CSMD1: variants seen among roughly 807,000 people sequenced by gnomAD.
CSMD1 encodes CUB and sushi domain-containing protein 1.
A neutral mutation model predicts 417.5 loss-of-function variants in CSMD1; 213 were observed. The ratio of observed to expected loss-of-function variants is 0.51; its 90% CI spans 0.46 to 0.57. The LOEUF is 0.57. Ranked by LOEUF, CSMD1 falls within the 20% of genes least tolerant of loss-of-function variation. CSMD1 has a pLI of 0.00. For missense variants in CSMD1, 6,923 were observed against 4,529.7 expected, an observed-to-expected ratio of 1.53 and a Z score of -15.17; for synonymous variants, 2,862 against 1,736.8, an observed-to-expected ratio of 1.65 and a Z score of -16.11.
At chr8:3,274,531 T>G (rs938084728) in intron 26 of CSMD1, among the ~76,000 whole-genome samples, 2 of 152,172 alleles carry the variant, frequency 1.3e-5, no homozygotes, top group African/African-American at 4.8e-5. Context: ...AGTGGGGTGT[T>G]AAAGTCTCCC....
At chr8:3,053,438 T>C (rs1357130367) in intron 49 of CSMD1, among the ~76,000 whole-genome samples, 1 of 152,116 alleles carries the variant, frequency 6.6e-6, no homozygotes, top group Non-Finnish European at 1.5e-5. Flanking sequence ...CCCTTTTTAT[T>C]GTTCCTCTCC....
At chr8:3,913,930 T>A (rs1203839717) in intron 5 of CSMD1, among the ~76,000 whole-genome samples, 1 of 151,830 alleles carries the variant, frequency 6.6e-6, no homozygotes, top group East Asian at 1.9e-4. Flanking sequence ...TGGACTCAAA[T>A]AAATTAACGA....
chr8:3,372,608 T>C (rs1810034886), intron 18 of CSMD1, among the ~76,000 whole-genome samples: 1 of 151,958 alleles, frequency 6.6e-6, no homozygotes, highest in South Asian at 2.1e-4. Flanking sequence ...AAGGAGGAGC[T>C]GGGGGTGATT....
rs1323454242 is a variant in CSMD1 at position 3,795,448 on chromosome 8, CATAG to C, written c.819-41410_819-41407del. On this transcript the variant is annotated intron_variant, in intron 5 of 69. Coordinates refer to ENST00000635120, the MANE Select transcript of CSMD1 (RefSeq NM_033225.6). ...ATCATAGATATAGATATATATCTAT[CATAG>C]ATATAGATATATATCTATCATAGAT... Among the ~76,000 whole-genome samples the C allele has an allele frequency of 1.8e-4, 4 of 22,046 alleles. 1 individual carries two copies. The highest frequency in any genetic ancestry group is 6.9e-4 in the African/African-American group (4 of 5,834). The allele number at this position is 22,046 out of a possible 152,430, so 14.5% of individuals were successfully genotyped here.
Position 3,188,811 on chromosome 8 carries a change from G to C in CSMD1, c.5523+76C>G, listed in dbSNP as rs1281553202. 3 of 1,280,264 alleles carry C rather than the reference G, an allele frequency of 2.3e-6. No individual in the cohort carries two copies. The East Asian group carries it at 8.3e-5, about 35-fold the overall frequency. The allele number at this position is 1,280,264 out of a possible 1,614,324, so 79.3% of individuals were successfully genotyped here. On this transcript the variant is annotated intron_variant, in intron 35 of 69. Transcript: ENST00000635120. ...AGAGAGAGAGATGGAAAGAAACATAGAACAAAAGAATGAAAGAAAGAAGCC... is the reference window on the plus strand; with the variant it reads ...AGAGAGAGAGATGGAAAGAAACATACAACAAAAGAATGAAAGAAAGAAGCC...
intron 3 of CSMD1, among the ~76,000 whole-genome samples, chr8:4,363,192 C>T (rs1019380079): frequency 1.3e-5 from 2 of 152,118 alleles, no homozygotes; most frequent in African/African-American, 4.8e-5. Context: ...GAAATGCCAC[C>T]ATTTTGTATT....
chr8:4,911,032 T>A lies in CSMD1; in HGVS notation c.85+83300A>T, dbSNP rs146271391. On this transcript the variant is annotated intron_variant, in intron 1 of 69. Transcript: ENST00000635120. The stretch of plus-strand genomic sequence containing the variant: ...AAAACTCTCTCTTTGCCTGCTGCCA[T>A]CCATGTAAGATGTGACTTGCTCCTC... Among the ~76,000 whole-genome samples the A allele has an allele frequency of 4.9e-3, 753 of 152,328 alleles. 7 individuals are homozygous for A. The highest frequency in any genetic ancestry group is 0.017 in the African/African-American group (720 of 41,578).
chr8:3,766,673 T>TA (rs545224725), intron 5 of CSMD1, among the ~76,000 whole-genome samples: 104 of 149,378 alleles, frequency 7.0e-4, no homozygotes, highest in Admixed American at 1.0e-3. Context: ...GAAAATAATT[T>TA]AAAAAAAAAA....
intron 3 of CSMD1, among the ~76,000 whole-genome samples, chr8:4,389,471 CTTT>C (rs571276182): frequency 9.0e-4 from 136 of 151,862 alleles, no homozygotes; most frequent in African/African-American, 3.0e-3. Flanking sequence ...TTGGTTAGTG[CTTT>C]TTTTTCTCAG....
chr8:4,081,272 C>G (rs951263247), intron 3 of CSMD1, among the ~76,000 whole-genome samples: 1 of 152,158 alleles, frequency 6.6e-6, no homozygotes, highest in Non-Finnish European at 1.5e-5. Context: ...GAAATACGCC[C>G]AGCGATTCTC....
At chr8:3,908,595 G>T (rs534360961) in intron 5 of CSMD1, among the ~76,000 whole-genome samples, 9 of 151,982 alleles carry the variant, frequency 5.9e-5, no homozygotes, top group African/African-American at 2.2e-4. Flanking sequence ...TTTAATCCCT[G>T]GAACATACTT....
intron 3 of CSMD1, among the ~76,000 whole-genome samples, chr8:4,347,586 G>T (rs1024024115): frequency 1.3e-5 from 2 of 152,162 alleles, no homozygotes; most frequent in African/African-American, 4.8e-5. Context: ...GTTCGCCAAA[G>T]AGAATGTAGA....
intron 11 of CSMD1, among the ~76,000 whole-genome samples, chr8:3,488,940 T>A (rs1410661410): frequency 6.6e-6 from 1 of 152,230 alleles, no homozygotes; most frequent in East Asian, 1.9e-4. Flanking sequence ...AAACCGAAAA[T>A]GTATTTAAGT....
chr8:4,873,258 G>T (rs751499207), intron 1 of CSMD1, among the ~76,000 whole-genome samples: 1 of 152,056 alleles, frequency 6.6e-6, no homozygotes, highest in Non-Finnish European at 1.5e-5. Context: ...AATTCACTCA[G>T]ATCAAAATCT....
In CSMD1 at chr8:3,644,682, C is replaced by T. The variant is rs142117082; in HGVS notation, c.1010-27885G>A. Among the ~76,000 whole-genome samples, 98 of 152,200 alleles carry T rather than the reference C, an allele frequency of 6.4e-4. 1 individual carries two copies. The East Asian group carries it at 9.9e-3, about 15-fold the overall frequency. On this transcript the variant is annotated intron_variant, in intron 7 of 69. Transcript: ENST00000635120. ...CAGGTTCAAGTGGCTGAAGAAGAGACCCAGAGCCAGTGAATGAGTTACAGG... is the reference window on the plus strand; with the variant it reads ...CAGGTTCAAGTGGCTGAAGAAGAGATCCAGAGCCAGTGAATGAGTTACAGG...
intron 5 of CSMD1, among the ~76,000 whole-genome samples, chr8:3,960,174 T>A (rs1057356691): frequency 6.6e-6 from 1 of 152,224 alleles, no homozygotes; most frequent in African/African-American, 2.4e-5. Context: ...TCTTGTATGT[T>A]GCCTTTACTT....
chr8:3,885,419 T>C (rs1432392921), intron 5 of CSMD1, among the ~76,000 whole-genome samples: 1 of 152,156 alleles, frequency 6.6e-6, no homozygotes, highest in Non-Finnish European at 1.5e-5. Flanking sequence ...CAATATCCCA[T>C]CACAGGATGC....
chr8:4,575,108 G>A (rs1013132840), intron 2 of CSMD1, among the ~76,000 whole-genome samples: 1 of 152,098 alleles, frequency 6.6e-6, no homozygotes, highest in Non-Finnish European at 1.5e-5. Context: ...AACATGTAAG[G>A]TGCATAGTTC....
intron 2 of CSMD1, among the ~76,000 whole-genome samples, chr8:4,445,973 G>T (rs1460439601): frequency 2.0e-5 from 3 of 152,130 alleles, no homozygotes; most frequent in South Asian, 2.1e-4. Flanking sequence ...CGAAAGGATA[G>T]CAACAATGTC....
Sources: allele counts gnomAD v4.1 joint callset (sites outside exome capture counted in the v4.1 genomes callset), GRCh38; gene constraint gnomAD v4.1.1; transcripts MANE v1.5; gene names NCBI Gene and HGNC (gene_info 2026-07-23, HGNC 2026-07-21).